The following ZFAND4 variants were observed in gnomAD, a reference collection of about 807,000 sequenced individuals.
ZFAND4 encodes the protein zinc finger AN1-type containing 4.
Under a neutral mutation model 64.4 loss-of-function variants are expected in ZFAND4, and 43 were observed. That is an observed-to-expected ratio of 0.67 (90% CI 0.52 to 0.86). The LOEUF (loss-of-function observed/expected upper bound fraction) is 0.86. ZFAND4 is among the 40% of genes least tolerant of loss of function. The pLI is 0.00. For missense variants in ZFAND4, 929 were observed against 859.8 expected, an observed-to-expected ratio of 1.08 and a Z score of -1.01; for synonymous variants, 296 against 305.7, an observed-to-expected ratio of 0.97 and a Z score of 0.33.
chr10:45,639,987 T>TA (rs2046875434), intron 5 of ZFAND4, 24 bp from the exon 6 acceptor site: 2 of 1,589,066 alleles, frequency 1.3e-6, no homozygotes, highest in African/African-American at 2.7e-5. Flanking sequence ...AATAACTACT[T>TA]GAAATTTTTC....
intron 4 of ZFAND4, chr10:45,651,738 T>C (rs1475334037): frequency 6.7e-6 from 4 of 600,634 alleles, no homozygotes; most frequent in Non-Finnish European, 1.3e-5. Context: ...GGTTTATTTT[T>C]AAACCTCTCT....
At position 45,626,942 on chromosome 10, in the gene ZFAND4, T is replaced by C. The variant is rs746620069; in HGVS notation, c.881A>G (p.Asn294Ser). 6.2e-7 allele frequency: 1 copy of C among 1,614,212 alleles called. No individual in the cohort carries two copies. Among genetic ancestry groups the C allele is most frequent in the Non-Finnish European group, 8.5e-7 (1 of 1,180,024 alleles). ...GNAYPPEISR[N>S]GISSLATQLS... ...TTGAGTTGCCAAACTTGAAATTCCATTCCTGGAGATTTCGGGCGGATATGC... is the reference window on the plus strand; with the variant it reads ...TTGAGTTGCCAAACTTGAAATTCCACTCCTGGAGATTTCGGGCGGATATGC... Residue 294 changes from asparagine (N) to serine (S), a missense_variant, in exon 7 of 10, where the codon AAT becomes AGT. By Grantham distance (46) the Asn-to-Ser change is conservative. Transcript: ENST00000344646.
rs1216547956 is a variant in ZFAND4, at chr10:45,642,091, C to T, written c.570-2128G>A. Among the ~76,000 whole-genome samples the T allele has an allele frequency of 2.0e-5, 3 of 152,194 alleles. No homozygotes were observed. The East Asian group carries it at 5.8e-4, about 29-fold the overall frequency. On this transcript the variant is annotated intron_variant, in intron 5 of 9. Coordinates refer to ENST00000344646, the MANE Select transcript of ZFAND4 (RefSeq NM_174890.4). ...GGGTGCATGAAGATTTTCGTCATGT[C>T]ACCCTGTGGAGTTAGAAGGAATAAC... is the stretch of plus-strand genomic sequence containing the variant.
chr10:45,622,514 A>G (rs1474191119), intron 8 of ZFAND4, among the ~76,000 whole-genome samples: 1 of 150,732 alleles, frequency 6.6e-6, no homozygotes, highest in Non-Finnish European at 1.5e-5. Context: ...TGTGTCAGGC[A>G]TCGGATTTCC....
At chr10:45,651,672 T>A in intron 4 of ZFAND4, 1 of 511,434 alleles carries the variant, frequency 2.0e-6, no homozygotes, top group Non-Finnish European at 3.9e-6. Flanking sequence ...CTAAACACAA[T>A]GGTAAAGTAG....
rs1443652953 is a variant in ZFAND4, at chr10:45,626,219, C to G, written c.1604G>C (p.Gly535Ala). The G allele has an allele frequency of 1.9e-6, 3 of 1,613,954 alleles. No individual in the cohort carries two copies. The Admixed American group carries it at 5.0e-5, about 27-fold the overall frequency. ...TTTGGAAATAACATCAGATCTTTTC[C>G]CAAGTGAATCAACTTTAACACCTTG... ...CFQGVKVDSLGKRSDVISKVE... is the reference protein window; with the variant it reads ...CFQGVKVDSLAKRSDVISKVE... Residue 535 changes from glycine (G) to alanine (A), a missense_variant, in exon 7 of 10, where the codon GGG becomes GCG. By Grantham distance (60) the Gly-to-Ala change is moderately conservative (BLOSUM62 0). Transcript: ENST00000344646.
intron 5 of ZFAND4, among the ~76,000 whole-genome samples, chr10:45,647,102 T>C (rs973216328): frequency 1.3e-5 from 2 of 152,192 alleles, no homozygotes; most frequent in African/African-American, 2.4e-5. Flanking sequence ...GATGGACATC[T>C]AGCTTCTAGC....
At position 45,615,874 on chromosome 10, in the gene ZFAND4, C is replaced by G. The variant is rs959426016; in HGVS notation, c.*562G>C. The G allele has an allele frequency of 1.3e-5, 2 of 152,006 alleles. No homozygotes were observed. Among genetic ancestry groups the G allele is most frequent in the East Asian group, 3.8e-4 (2 of 5,202 alleles). The allele number at this position is 152,006 out of a possible 1,614,324, so 9.4% of individuals were successfully genotyped here. ...AATGTATTATCTGTTAAAAACCACA[C>G]TGGAAAAATGTTCTTTTTTATAAAA... is the stretch of plus-strand genomic sequence containing the variant. On this transcript the variant is annotated 3_prime_UTR_variant, in exon 10 of 10. Transcript: ENST00000344646.
rs1186794819 is a variant in ZFAND4, at chr10:45,670,847, C to T, written c.-118+1403G>A. ...AATAGACAAATGGGATCTAATTAAACTAAAGAGCTTCTGCACAGCAAAAGA... is the reference window on the plus strand; with the variant it reads ...AATAGACAAATGGGATCTAATTAAATTAAAGAGCTTCTGCACAGCAAAAGA... On this transcript the variant is annotated intron_variant, in intron 1 of 9. Coordinates refer to ENST00000344646, the MANE Select transcript of ZFAND4 (RefSeq NM_174890.4). Among the ~76,000 whole-genome samples the T allele has an allele frequency of 2.0e-5, 3 of 152,214 alleles. No homozygotes were observed. The East Asian group carries it at 5.8e-4, about 29-fold the overall frequency.
In ZFAND4 at chr10:45,663,676, G is replaced by T; in HGVS notation, c.50C>A (p.Pro17Gln). 1 of 1,608,090 alleles carries T rather than the reference G, an allele frequency of 6.2e-7. No individual in the cohort carries two copies. The change falls in exon 2 of 10, where the codon CCA (proline) becomes CAA (glutamine). Residue 17 changes from proline to glutamine, a missense_variant. By Grantham distance (76) the Pro-to-Gln change is moderately conservative. Coordinates refer to ENST00000344646, the MANE Select transcript of ZFAND4 (RefSeq NM_174890.4). Reference sequence around the variant, plus strand: ...ACAGAAATGAAGTCTGTAGTAAAATGGTCCCATGTTATCATCATTGAAGAA... The same window carrying T: ...ACAGAAATGAAGTCTGTAGTAAAATTGTCCCATGTTATCATCATTGAAGAA... ...PPFFNDDNMG[P>Q]FYYRLHFCDT...
At chr10:45,624,556 T>C in intron 8 of ZFAND4, 27 bp downstream of exon 8, 1 of 1,608,850 alleles carries the variant, frequency 6.2e-7, no homozygotes. Flanking sequence ...CAGCCTTGTA[T>C]TGTTTTCAAA....
chr10:45,663,115 TAA>T (rs544625363), intron 2 of ZFAND4, among the ~76,000 whole-genome samples: 61 of 130,024 alleles, frequency 4.7e-4, no homozygotes, highest in Admixed American at 7.0e-4. Context: ...ACCTCCACAT[TAA>T]AAAAAAAAAA....
intron 5 of ZFAND4, 107 bp downstream of exon 5, chr10:45,648,187 T>C: frequency 8.7e-7 from 1 of 1,151,906 alleles, no homozygotes; most frequent in Non-Finnish European, 1.2e-6. Context: ...CGAAGGACAA[T>C]TTCAGACTTA....
chr10:45,648,704 CTATGT>C (rs1344988692), intron 4 of ZFAND4, among the ~76,000 whole-genome samples, 170 bp from the exon 5 acceptor site: 3 of 152,066 alleles, frequency 2.0e-5, no homozygotes, highest in East Asian at 3.9e-4. Context: ...ATAGCATTCC[CTATGT>C]TATATTAATA....
At chr10:45,633,216 A>C (rs2046341205) in intron 6 of ZFAND4, among the ~76,000 whole-genome samples, 1 of 115,404 alleles carries the variant, frequency 8.7e-6, no homozygotes, top group Non-Finnish European at 1.8e-5. Context: ...TCAAGTTGAC[A>C]AAAAAAAAAA....
Position 45,648,288 on chromosome 10 carries a change from G to T in ZFAND4, c.569+6C>A. On this transcript the variant is annotated splice_donor_region_variant and intron_variant, in intron 5 of 9. Transcript: ENST00000344646. ...AACACAAGGTAAACAAAAGTTTATG[G>T]AGTACCTCATACGATGTTCTCCTTT... is the stretch of plus-strand genomic sequence containing the variant. The T allele has an allele frequency of 6.3e-7, 1 of 1,591,188 alleles. No homozygotes were observed. Among genetic ancestry groups the T allele is most frequent in the Non-Finnish European group, 8.5e-7 (1 of 1,169,630 alleles).
chr10:45,616,860 C>T (rs1330846995), intron 9 of ZFAND4, among the ~76,000 whole-genome samples: 1 of 151,974 alleles, frequency 6.6e-6, no homozygotes, highest in Non-Finnish European at 1.5e-5. Context: ...TTTGGGAAGC[C>T]GAGGCGGGTG....
chr10:45,641,254 T>G (rs1268414706), intron 5 of ZFAND4, among the ~76,000 whole-genome samples: 1 of 152,204 alleles, frequency 6.6e-6, no homozygotes, highest in Non-Finnish European at 1.5e-5. Context: ...AACACAAGCT[T>G]GGCACATTTG....
At chr10:45,667,801 G>A (rs1048002693) in intron 1 of ZFAND4, among the ~76,000 whole-genome samples, 56 of 151,988 alleles carry the variant, frequency 3.7e-4, no homozygotes, top group African/African-American at 1.1e-3. Flanking sequence ...GCCCTGCTCT[G>A]GAACCTTCAG....
Sources: allele counts gnomAD v4.1 joint callset (sites outside exome capture counted in the v4.1 genomes callset), GRCh38; gene constraint gnomAD v4.1.1; transcripts MANE v1.5; gene names NCBI Gene and HGNC (gene_info 2026-07-23, HGNC 2026-07-21).